ZDHHC13: variants seen among roughly 807,000 people sequenced by gnomAD.
ZDHHC13 encodes the protein palmitoyltransferase ZDHHC13.
A neutral mutation model predicts 86.0 loss-of-function variants in ZDHHC13; 85 were observed. The observed-to-expected ratio is 0.99, with a 90% CI of 0.83 to 1.18. The LOEUF is 1.18. Ranked by LOEUF, ZDHHC13 falls within the 50% of genes most tolerant of loss-of-function variation. The pLI is 0.00. For synonymous variants in ZDHHC13, 263 were observed against 246.4 expected (o/e 1.07, Z -0.63); for missense variants, 711 against 730.2 (o/e 0.97, Z 0.30).
chr11:19,175,389 CAAAAAAAAAAAAAAAA>C (rs58806796), intron 16 of ZDHHC13, among the ~76,000 whole-genome samples: 2 of 56,368 alleles, frequency 3.5e-5, no homozygotes, highest in Non-Finnish European at 6.4e-5. Flanking sequence ...GACTCCGTCT[CAAAAAAAAAAAAAAAA>C]AAAAAAAAAA....
chr11:19,163,085 A>G (rs1849955713), intron 10 of ZDHHC13, among the ~76,000 whole-genome samples: 1 of 152,142 alleles, frequency 6.6e-6, no homozygotes, highest in African/African-American at 2.4e-5. Flanking sequence ...CCTATCAAGT[A>G]TTTAATATGA....
At chr11:19,154,889 T>C (rs565449160) in intron 8 of ZDHHC13, among the ~76,000 whole-genome samples, 2 of 152,292 alleles carry the variant, frequency 1.3e-5, no homozygotes, top group East Asian at 1.9e-4. Context: ...ACACAGTCTT[T>C]GGGATGTTAT....
chr11:19,151,600 T>G (rs1032800045), intron 6 of ZDHHC13, among the ~76,000 whole-genome samples: 1 of 152,056 alleles, frequency 6.6e-6, no homozygotes, highest in Non-Finnish European at 1.5e-5. Flanking sequence ...GAATATTGTT[T>G]TATTAAAAGA....
intron 1 of ZDHHC13, among the ~76,000 whole-genome samples, chr11:19,137,399 G>T (rs1272483980): frequency 6.6e-6 from 1 of 152,042 alleles, no homozygotes; most frequent in Non-Finnish European, 1.5e-5. Context: ...CAATACAGGA[G>T]CACCCAGATT....
At position 19,169,693 on chromosome 11, in the gene ZDHHC13, C is replaced by T; in HGVS notation, c.1475-718C>T. On this transcript the variant is annotated intron_variant, in intron 14 of 16. Coordinates refer to ENST00000446113, the MANE Select transcript of ZDHHC13 (RefSeq NM_019028.3). ...TCCGTTCCCTTGTTTCTGCTGCTTC[C>T]TGTGTGTATTTCTCCTTACTGCTGC... 4.1e-6 allele frequency: 4 copies of T among 985,484 alleles called. 1 individual carries two copies. The South Asian group carries it at 1.4e-4, about 35-fold the overall frequency. The allele number at this position is 985,484 out of a possible 1,614,324, so 61.0% of individuals were successfully genotyped here.
At chr11:19,136,035 C>T (rs1334600387) in intron 1 of ZDHHC13, among the ~76,000 whole-genome samples, 44 of 152,334 alleles carry the variant, frequency 2.9e-4, no homozygotes, top group African/African-American at 4.8e-4. Context: ...TCCAAAGGAA[C>T]GCAGTTCCTC....
intron 1 of ZDHHC13, among the ~76,000 whole-genome samples, chr11:19,134,121 T>C (rs1849070343): frequency 6.6e-6 from 1 of 151,874 alleles, no homozygotes; most frequent in African/African-American, 2.4e-5. Context: ...AGGAGACTAT[T>C]TTGAAGATAT....
At chr11:19,136,676 C>T (rs1310701291) in intron 1 of ZDHHC13, among the ~76,000 whole-genome samples, 3 of 151,980 alleles carry the variant, frequency 2.0e-5, no homozygotes, top group Non-Finnish European at 2.9e-5. Context: ...AGAGAAAGGT[C>T]GGGTTACCCA....
chr11:19,142,100 C>T (rs1849338097), intron 1 of ZDHHC13, among the ~76,000 whole-genome samples: 1 of 152,080 alleles, frequency 6.6e-6, no homozygotes, highest in South Asian at 2.1e-4. Context: ...TAGCTGGATC[C>T]TCTGCTAAGG....
chr11:19,128,150 T>A (rs185799512), intron 1 of ZDHHC13, among the ~76,000 whole-genome samples: 1 of 152,206 alleles, frequency 6.6e-6, no homozygotes, highest in Non-Finnish European at 1.5e-5. Flanking sequence ...GTAATTCTCA[T>A]TGTAGAGGTC....
rs1339711752 is a variant in ZDHHC13, at chr11:19,152,008, A to C, written c.585-150A>C. On this transcript the variant is annotated intron_variant, in intron 6 of 16. Coordinates refer to ENST00000446113, the MANE Select transcript of ZDHHC13 (RefSeq NM_019028.3). ...TTTTAATCTCCTATTAGTACCTAGAATAGAACTCAGTACAAAGAAGTTTCT... is the reference window on the plus strand; with the variant it reads ...TTTTAATCTCCTATTAGTACCTAGACTAGAACTCAGTACAAAGAAGTTTCT... 7.0e-6 allele frequency: 5 copies of C among 718,830 alleles called. No homozygotes were observed. The South Asian group carries it at 7.3e-5, about 11-fold the overall frequency. The allele number at this position is 718,830 out of a possible 1,614,324, so 44.5% of individuals were successfully genotyped here. A position where few individuals can be genotyped will look rare whatever the true frequency, so the allele number is the denominator to read the frequency against.
At chr11:19,133,782 T>C (rs1849056343) in intron 1 of ZDHHC13, among the ~76,000 whole-genome samples, 1 of 151,640 alleles carries the variant, frequency 6.6e-6, no homozygotes, top group Non-Finnish European at 1.5e-5. Flanking sequence ...ACTGTTCTTT[T>C]AGTGTGGGGA....
chr11:19,133,942 T>TATATATATATATATATATAC lies in ZDHHC13; in HGVS notation c.28-9035_28-9034insTATATATATATATATATACA. Among the ~76,000 whole-genome samples the TATATATATATATATATATAC allele has an allele frequency of 1.5e-3, 147 of 96,066 alleles. 2 individuals are homozygous for TATATATATATATATATATAC. The highest frequency in any genetic ancestry group is 4.3e-3 in the African/African-American group (128 of 29,582). The allele number at this position is 96,066 out of a possible 152,430, so 63.0% of individuals were successfully genotyped here. ...GTCCATATATATATATATATATATATACACGTATGTGTTTTATATACTTCA... is the reference window on the plus strand; with the variant it reads ...GTCCATATATATATATATATATATATATATATATATATATATATACACACGTATGTGTTTTATATACTTCA... On this transcript the variant is annotated intron_variant, in intron 1 of 16. Transcript: ENST00000446113.
In ZDHHC13 at chr11:19,154,801, C is replaced by T. The variant is rs144726093; in HGVS notation, c.874-995C>T. On this transcript the variant is annotated intron_variant, in intron 8 of 16. Transcript: ENST00000446113. ...CATCCTGCCTTTCTGGTCAGTTGTTCTTGGTTATTTTTGGTGACTTTGCTT... is the reference window on the plus strand; with the variant it reads ...CATCCTGCCTTTCTGGTCAGTTGTTTTTGGTTATTTTTGGTGACTTTGCTT... 2.9e-3 allele frequency among the ~76,000 whole-genome samples: 439 copies of T among 152,198 alleles called. 1 individual carries two copies. The highest frequency in any genetic ancestry group is 0.01 in the African/African-American group (427 of 41,530).
intron 16 of ZDHHC13, among the ~76,000 whole-genome samples, chr11:19,173,177 G>C (rs1246498730): frequency 2.0e-5 from 3 of 152,108 alleles, no homozygotes; most frequent in East Asian, 3.9e-4. Flanking sequence ...CCAGCCACAG[G>C]GTGCTCTGTA....
intron 1 of ZDHHC13, among the ~76,000 whole-genome samples, chr11:19,141,531 G>A (rs1849319081): frequency 6.6e-6 from 1 of 152,088 alleles, no homozygotes; most frequent in Non-Finnish European, 1.5e-5. Flanking sequence ...TTGTCAACAA[G>A]TGTCAAAATT....
chr11:19,132,459 C>G (rs1849022288), intron 1 of ZDHHC13, among the ~76,000 whole-genome samples: 1 of 152,200 alleles, frequency 6.6e-6, no homozygotes, highest in African/African-American at 2.4e-5. Flanking sequence ...GTTCAGTTTA[C>G]AAATCTCCAT....
chr11:19,157,980 C>G lies in ZDHHC13; in HGVS notation c.1008-960C>G, dbSNP rs185503455. Among the ~76,000 whole-genome samples, 296 of 152,236 alleles carry G rather than the reference C, an allele frequency of 1.9e-3. 3 individuals carry two copies. The highest frequency in any genetic ancestry group is 6.7e-3 in the African/African-American group (280 of 41,528). On this transcript the variant is annotated intron_variant, in intron 9 of 16. Transcript: ENST00000446113. The stretch of plus-strand genomic sequence containing the variant: ...AGTGGACATGTAGTGGTAGCAGGCT[C>G]TTGTAAATTAGTAGTTCATTGCATT...
chr11:19,145,292 A>G (rs556604345), intron 2 of ZDHHC13, among the ~76,000 whole-genome samples: 3 of 152,054 alleles, frequency 2.0e-5, no homozygotes, highest in Non-Finnish European at 4.4e-5. Context: ...CTTCACTCTT[A>G]CTTTAGGCTC....
Sources: gnomAD v4.1 joint callset for allele counts (sites outside exome capture counted in the v4.1 genomes callset) on GRCh38, gnomAD v4.1.1 for gene constraint, MANE v1.5 for transcripts, NCBI Gene and HGNC (gene_info 2026-07-23, HGNC 2026-07-21) for gene names.